The following ATRNL1 variants were observed in gnomAD, a reference collection of about 807,000 sequenced individuals.
ATRNL1 encodes attractin like 1.
Under a neutral mutation model 182.7 loss-of-function variants are expected in ATRNL1, and 95 were observed. The ratio of observed to expected loss-of-function variants is 0.52; its 90% confidence interval spans 0.44 to 0.62. The LOEUF (loss-of-function observed/expected upper bound fraction) is 0.62. ATRNL1 is among the 20% of genes least tolerant of loss of function. The pLI is 0.00. For missense variants in ATRNL1, 1,471 were observed against 1,679.5 expected (o/e 0.88, Z 2.17); for synonymous variants, 576 against 568.3 (o/e 1.01, Z -0.19).
At chr10:115,398,839 G>A (rs1374491226) in intron 20 of ATRNL1, among the ~76,000 whole-genome samples, 1 of 152,054 alleles carries the variant, frequency 6.6e-6, no homozygotes, top group Non-Finnish European at 1.5e-5. Flanking sequence ...TTGGCTGTGG[G>A]TTTGTTATAG....
intron 20 of ATRNL1, among the ~76,000 whole-genome samples, chr10:115,413,326 A>C (rs1012621783): frequency 6.6e-6 from 1 of 152,058 alleles, no homozygotes; most frequent in Non-Finnish European, 1.5e-5. Flanking sequence ...TGTCTTTTTT[A>C]AGTGAATTAA....
At chr10:115,407,579 C>A (rs140071890) in intron 20 of ATRNL1, among the ~76,000 whole-genome samples, 260 of 152,240 alleles carry the variant, frequency 1.7e-3, no homozygotes, top group African/African-American at 6.1e-3. Flanking sequence ...TTTTTAATGG[C>A]TGAATAATAT....
intron 24 of ATRNL1, among the ~76,000 whole-genome samples, chr10:115,476,235 T>A (rs967814865): frequency 6.6e-6 from 1 of 151,372 alleles, no homozygotes; most frequent in Non-Finnish European, 1.5e-5. Flanking sequence ...TGTCTCCTTT[T>A]TATTAATTTC....
intron 25 of ATRNL1, among the ~76,000 whole-genome samples, chr10:115,538,563 G>T (rs1379257503): frequency 1.3e-5 from 2 of 151,898 alleles, no homozygotes; most frequent in Non-Finnish European, 2.9e-5. Context: ...GTTTATTTTT[G>T]AATATTGAAT....
intron 19 of ATRNL1, among the ~76,000 whole-genome samples, chr10:115,390,740 T>C (rs986388468): frequency 6.6e-6 from 1 of 152,216 alleles, no homozygotes; most frequent in Admixed American, 6.5e-5. Flanking sequence ...ATATTACTTT[T>C]GGTAGCATGG....
At chr10:115,856,738 C>T (rs1951198541) in intron 28 of ATRNL1, among the ~76,000 whole-genome samples, 1 of 152,086 alleles carries the variant, frequency 6.6e-6, no homozygotes, top group Non-Finnish European at 1.5e-5. Context: ...AATCTAATGC[C>T]TCCGCTGATC....
At chr10:115,547,463 A>G (rs1331322351) in intron 25 of ATRNL1, among the ~76,000 whole-genome samples, 1 of 151,960 alleles carries the variant, frequency 6.6e-6, no homozygotes, top group African/African-American at 2.4e-5. Context: ...TTCAAGGATA[A>G]GATGCTCTCA....
At chr10:115,404,628 A>G (rs1844733106) in intron 20 of ATRNL1, among the ~76,000 whole-genome samples, 1 of 152,186 alleles carries the variant, frequency 6.6e-6, no homozygotes, top group Non-Finnish European at 1.5e-5. Flanking sequence ...TTCTTCCATG[A>G]GTAATTAGTA....
chr10:115,920,023 C>T (rs782586574), intron 28 of ATRNL1, among the ~76,000 whole-genome samples: 1 of 152,090 alleles, frequency 6.6e-6, no homozygotes, highest in Non-Finnish European at 1.5e-5. Context: ...ACTCAATAAC[C>T]CTGTAAATTG....
intron 27 of ATRNL1, among the ~76,000 whole-genome samples, chr10:115,839,455 C>G (rs908622329): frequency 6.6e-6 from 1 of 152,166 alleles, no homozygotes; most frequent in Non-Finnish European, 1.5e-5. Flanking sequence ...CTTGCCTCTT[C>G]TCATCCCTCT....
At chr10:115,893,399 G>C (rs1455021039) in intron 28 of ATRNL1, among the ~76,000 whole-genome samples, 3 of 152,184 alleles carry the variant, frequency 2.0e-5, no homozygotes, top group African/African-American at 7.2e-5. Context: ...CAAGGTTTCG[G>C]ATTTGCAATC....
At chr10:115,848,305 T>G (rs530432269) in intron 28 of ATRNL1, among the ~76,000 whole-genome samples, 1 of 152,314 alleles carries the variant, frequency 6.6e-6, no homozygotes, top group South Asian at 2.1e-4. Context: ...GCCACCATGT[T>G]CTAGACCCTT....
intron 27 of ATRNL1, among the ~76,000 whole-genome samples, chr10:115,733,192 G>GA (rs1947851037): frequency 1.3e-5 from 2 of 152,098 alleles, no homozygotes; most frequent in African/African-American, 4.8e-5. Context: ...GTTGTTTACA[G>GA]CATGATTAAT....
intron 5 of ATRNL1, among the ~76,000 whole-genome samples, chr10:115,138,954 T>C (rs1407594636): frequency 1.3e-5 from 2 of 152,234 alleles, no homozygotes; most frequent in Admixed American, 6.5e-5. Context: ...TTGAATGCTT[T>C]GCTGCTTAGA....
intron 21 of ATRNL1, among the ~76,000 whole-genome samples, chr10:115,449,426 C>G (rs1273018230): frequency 6.6e-6 from 1 of 152,146 alleles, no homozygotes; most frequent in African/African-American, 2.4e-5. Context: ...CAATAAAATC[C>G]TCCATATTCA....
chr10:115,875,043 A>C (rs1168985392), intron 28 of ATRNL1, among the ~76,000 whole-genome samples: 2 of 152,200 alleles, frequency 1.3e-5, no homozygotes, highest in Non-Finnish European at 2.9e-5. Context: ...TCTAGATTGC[A>C]GCAGAAAAAG....
intron 24 of ATRNL1, among the ~76,000 whole-genome samples, chr10:115,518,074 T>C (rs1850729207): frequency 6.6e-6 from 1 of 151,978 alleles, no homozygotes. Context: ...CTCAACTTAC[T>C]GTAATTCTTT....
chr10:115,274,438 A>T (rs1852012509), intron 13 of ATRNL1, among the ~76,000 whole-genome samples: 2 of 152,126 alleles, frequency 1.3e-5, no homozygotes, highest in Non-Finnish European at 2.9e-5. Flanking sequence ...TTTGAAAGGG[A>T]TATCTTGACA....
chr10:115,324,721 A>G (rs943413126), intron 18 of ATRNL1, among the ~76,000 whole-genome samples: 1 of 152,104 alleles, frequency 6.6e-6, no homozygotes, highest in Non-Finnish European at 1.5e-5. Flanking sequence ...TTTTTCATAG[A>G]TAGTGTCTCC....
Sources: gnomAD v4.1 joint callset for allele counts (sites outside exome capture counted in the v4.1 genomes callset) on GRCh38, gnomAD v4.1.1 for gene constraint, MANE v1.5 for transcripts, NCBI Gene and HGNC (gene_info 2026-07-23, HGNC 2026-07-21) for gene names.